C1QTNF3: variants seen among roughly 807,000 people sequenced by gnomAD.
C1QTNF3 encodes complement C1q tumor necrosis factor-related protein 3.
In C1QTNF3, 26 loss-of-function variants were observed where a neutral mutation model predicts 32.6. The observed-to-expected ratio is 0.80, with a 90% CI of 0.58 to 1.11. C1QTNF3 has a LOEUF of 1.11. Among genes scored for constraint, C1QTNF3 ranks in the 50% least tolerant of loss-of-function variants. C1QTNF3 has a pLI of 0.00. For missense variants in C1QTNF3, 362 were observed against 398.2 expected, an observed-to-expected ratio of 0.91 and a Z score of 0.77; for synonymous variants, 155 against 146.0, an observed-to-expected ratio of 1.06 and a Z score of -0.44.
At chr5:34,098,661 C>T in the C1QTNF3 span, among the ~76,000 whole-genome samples, 5 of 151,476 alleles carry the variant, frequency 3.3e-5, no homozygotes, top group African/African-American at 1.2e-4. Context: ...GAGAGCTTTT[C>T]CTCTCTAGTG....
chr5:34,220,839 C>A, the C1QTNF3 span, among the ~76,000 whole-genome samples: 6 of 151,958 alleles, frequency 3.9e-5, no homozygotes, highest in Non-Finnish European at 5.9e-5. Flanking sequence ...AGCATGTGAG[C>A]CCTGGGTTTC....
At chr5:34,225,054 G>A in the C1QTNF3 span, among the ~76,000 whole-genome samples, 1 of 152,042 alleles carries the variant, frequency 6.6e-6, no homozygotes, top group Non-Finnish European at 1.5e-5. Context: ...ATGAAGAAAT[G>A]CTCACCATCA....
chr5:34,235,694 T>A, the C1QTNF3 span, among the ~76,000 whole-genome samples: 1 of 151,618 alleles, frequency 6.6e-6, no homozygotes, highest in Non-Finnish European at 1.5e-5. Context: ...TAGATGGTAG[T>A]TTCAATAATT....
chr5:34,054,403 G>C, the C1QTNF3 span, among the ~76,000 whole-genome samples: 1,576 of 152,286 alleles, frequency 0.01, 18 homozygotes, highest in African/African-American at 0.037. Context: ...TTTCTGTAAA[G>C]GGCTGTGTAA....
intron 1 of C1QTNF3, among the ~76,000 whole-genome samples, chr5:34,040,549 A>G (rs1754844587): frequency 6.6e-6 from 1 of 152,120 alleles, no homozygotes; most frequent in African/African-American, 2.4e-5. Flanking sequence ...CCCACCCCAG[A>G]TCTCTGGCCA....
At chr5:34,027,285 A>G (rs943018266) in intron 4 of C1QTNF3, among the ~76,000 whole-genome samples, 1 of 152,228 alleles carries the variant, frequency 6.6e-6, no homozygotes, top group African/African-American at 2.4e-5. Context: ...ATTTAAGTAT[A>G]TTGGTACAAC....
the C1QTNF3 span, among the ~76,000 whole-genome samples, chr5:34,226,255 T>C: frequency 1.3e-5 from 2 of 151,880 alleles, no homozygotes; most frequent in Admixed American, 1.3e-4. Flanking sequence ...ATCCCATTAA[T>C]TTGTTATTTT....
At chr5:34,128,877 A>T in the C1QTNF3 span, among the ~76,000 whole-genome samples, 1 of 152,218 alleles carries the variant, frequency 6.6e-6, no homozygotes, top group East Asian at 1.9e-4. Context: ...GACTTTGGGG[A>T]ACTCTTGGGA....
At chr5:34,117,033 T>C in the C1QTNF3 span, among the ~76,000 whole-genome samples, 1 of 152,174 alleles carries the variant, frequency 6.6e-6, no homozygotes, top group Non-Finnish European at 1.5e-5. Flanking sequence ...AGCTGGATAT[T>C]GATTTTATTC....
At chr5:34,030,174 T>C (rs1754577111) in intron 3 of C1QTNF3, among the ~76,000 whole-genome samples, 1 of 152,228 alleles carries the variant, frequency 6.6e-6, no homozygotes, top group African/African-American at 2.4e-5. Context: ...ATCTTGGAAC[T>C]GTAAAGTTTA....
At chr5:34,130,622 T>C in the C1QTNF3 span, among the ~76,000 whole-genome samples, 1 of 152,300 alleles carries the variant, frequency 6.6e-6, no homozygotes, top group Middle Eastern at 3.4e-3. Context: ...CAAAGGGTTT[T>C]GAGACTGCTT....
At chr5:34,142,431 C>A in the C1QTNF3 span, among the ~76,000 whole-genome samples, 128 of 133,496 alleles carry the variant, frequency 9.6e-4, no homozygotes, top group Admixed American at 1.3e-3. Context: ...GACTCCATCT[C>A]AAAAAAAAAA....
At chr5:34,070,588 A>G in the C1QTNF3 span, among the ~76,000 whole-genome samples, 1 of 152,184 alleles carries the variant, frequency 6.6e-6, no homozygotes, top group African/African-American at 2.4e-5. Context: ...AGAAACCTCA[A>G]AAAATTCTAT....
the C1QTNF3 span, among the ~76,000 whole-genome samples, chr5:34,201,511 TA>T: frequency 6.6e-6 from 1 of 152,050 alleles, no homozygotes; most frequent in Non-Finnish European, 1.5e-5. Context: ...GTATGACACA[TA>T]AAATTGTGGT....
At chr5:34,055,911 C>T in the C1QTNF3 span, among the ~76,000 whole-genome samples, 22 of 152,330 alleles carry the variant, frequency 1.4e-4, no homozygotes, top group Admixed American at 7.2e-4. Context: ...CGGGGAAATA[C>T]GGTCAATTGT....
At chr5:34,092,817 T>A in the C1QTNF3 span, among the ~76,000 whole-genome samples, 14 of 151,956 alleles carry the variant, frequency 9.2e-5, no homozygotes, top group African/African-American at 3.4e-4. Context: ...CACACTTTTC[T>A]CTCTTGATTT....
the C1QTNF3 span, among the ~76,000 whole-genome samples, chr5:34,222,748 C>G: frequency 6.6e-6 from 1 of 151,856 alleles, no homozygotes; most frequent in Non-Finnish European, 1.5e-5. Context: ...AAAGGGCTTT[C>G]CAAAAATGTC....
At chr5:34,218,436 C>T in the C1QTNF3 span, 1 of 150,612 alleles carries the variant, frequency 6.6e-6, no homozygotes, top group African/African-American at 2.5e-5. Flanking sequence ...GAGTGCAGGC[C>T]ATCATGACTG....
the C1QTNF3 span, among the ~76,000 whole-genome samples, chr5:34,142,551 A>G: frequency 6.6e-6 from 1 of 152,210 alleles, no homozygotes; most frequent in African/African-American, 2.4e-5. Flanking sequence ...CTCACACTGC[A>G]GAGCATGGCT....
Sources: gnomAD v4.1 joint callset for allele counts (sites outside exome capture counted in the v4.1 genomes callset) on GRCh38, gnomAD v4.1.1 for gene constraint, MANE v1.5 for transcripts, NCBI Gene and HGNC (gene_info 2026-07-23, HGNC 2026-07-21) for gene names.